IL1RAPL1: variants seen among roughly 807,000 people sequenced by gnomAD.
The protein encoded by IL1RAPL1 is interleukin 1 receptor accessory protein like 1.
IL1RAPL1 carries 3 observed loss-of-function variants against 48.4 expected under a neutral mutation model. The observed-to-expected ratio is 0.06, with a 90% CI of 0.03 to 0.16. The LOEUF (loss-of-function observed/expected upper bound fraction) is 0.16. IL1RAPL1 is among the 10% of genes least tolerant of loss of function. IL1RAPL1 has a pLI of 1.00. For synonymous variants in IL1RAPL1, 185 were observed against 187.7 expected (o/e 0.99, Z 0.12); for missense variants, 349 against 530.6 (o/e 0.66, Z 3.36).
intron 2 of IL1RAPL1, among the ~76,000 whole-genome samples, chrX:29,256,843 G>T (rs1473152358): frequency 9.0e-6 from 1 of 111,591 alleles, no homozygotes; most frequent in African/African-American, 3.2e-5. Flanking sequence ...GCTCTATACA[G>T]TGGGTACTTT....
chrX:29,230,525 A>ACAAAAC (rs1569265317), intron 2 of IL1RAPL1, among the ~76,000 whole-genome samples: 1 of 98,231 alleles, frequency 1.0e-5, no homozygotes, highest in Non-Finnish European at 2.0e-5. Flanking sequence ...AAAAAAAAAA[A>ACAAAAC]AAAAAAAAAA....
chrX:29,879,395 GTATA>G lies in IL1RAPL1; in HGVS notation c.779-38056_779-38053del, dbSNP rs1159189468. 4.7e-3 allele frequency among the ~76,000 whole-genome samples: 409 copies of G among 86,866 alleles called. 4 individuals are homozygous for G. The highest frequency in any genetic ancestry group is 0.02 in the African/African-American group (378 of 19,023). The allele number at this position is 86,866 out of a possible 115,157, so 75.4% of individuals were successfully genotyped here. On this transcript the variant is annotated intron_variant, in intron 6 of 10. Transcript: ENST00000378993. ...TGTGTGTGTGTGTGTGTGTGTGTGT[GTATA>G]TATATATATATAATATTTGTGTACA...
intron 6 of IL1RAPL1, among the ~76,000 whole-genome samples, chrX:29,802,761 A>ATATATATATATATATG (rs1929947054): frequency 1.8e-4 from 4 of 22,629 alleles, no homozygotes; most frequent in East Asian, 2.6e-3. Context: ...ATATATATAT[A>ATATATATATATATATG]TATATATATA....
intron 6 of IL1RAPL1, among the ~76,000 whole-genome samples, chrX:29,766,364 G>T (rs201559250): frequency 0.029 from 1,799 of 62,127 alleles, 138 homozygotes; most frequent in African/African-American, 0.16. Flanking sequence ...TATATATATA[G>T]ATAGATAGAT....
At chrX:28,815,839 G>GTATGTGTATATATATA (rs1467095474) in intron 2 of IL1RAPL1, among the ~76,000 whole-genome samples, 1 of 29,109 alleles carries the variant, frequency 3.4e-5, no homozygotes, top group African/African-American at 8.9e-5. Flanking sequence ...GTGTGTTTAT[G>GTATGTGTATATATATA]TATATATATA....
intron 5 of IL1RAPL1, among the ~76,000 whole-genome samples, chrX:29,417,958 T>G (rs1934237558): frequency 9.3e-6 from 1 of 107,488 alleles, no homozygotes; most frequent in African/African-American, 3.4e-5. Flanking sequence ...AATATTTACT[T>G]AAATATTTTG....
chrX:28,952,582 A>G (rs1924499413), intron 2 of IL1RAPL1, among the ~76,000 whole-genome samples: 1 of 111,180 alleles, frequency 9.0e-6, no homozygotes, highest in South Asian at 3.7e-4. Flanking sequence ...TTTTTTTTCC[A>G]ATTGAAGAAA....
intron 5 of IL1RAPL1, among the ~76,000 whole-genome samples, chrX:29,481,227 T>C (rs1170365062): frequency 8.9e-6 from 1 of 112,838 alleles, no homozygotes; most frequent in African/African-American, 3.2e-5. Context: ...ATAGAAGATA[T>C]ATTGACAAAT....
At chrX:29,938,396 G>T (rs181672753) in intron 8 of IL1RAPL1, among the ~76,000 whole-genome samples, 20 of 110,775 alleles carry the variant, frequency 1.8e-4, no homozygotes, top group Admixed American at 7.7e-4. Context: ...CATGCCACAT[G>T]CCCAGCCCCT....
At chrX:28,930,806 T>A (rs1923860119) in intron 2 of IL1RAPL1, among the ~76,000 whole-genome samples, 1 of 110,778 alleles carries the variant, frequency 9.0e-6, no homozygotes, top group African/African-American at 3.3e-5. Context: ...CACGCCCGGC[T>A]AATTTTTTGT....
chrX:28,949,493 A>G (rs1300884184), intron 2 of IL1RAPL1, among the ~76,000 whole-genome samples: 1 of 111,767 alleles, frequency 8.9e-6, no homozygotes, highest in African/African-American at 3.2e-5. Context: ...TTCACACTAC[A>G]ACAGAGTTGA....
At chrX:29,425,510 A>G (rs984592479) in intron 5 of IL1RAPL1, among the ~76,000 whole-genome samples, 1 of 111,537 alleles carries the variant, frequency 9.0e-6, no homozygotes, top group African/African-American at 3.3e-5. Context: ...TCTGTCAATG[A>G]GACTATCACA....
chrX:28,886,629 G>A (rs999747514), intron 2 of IL1RAPL1, among the ~76,000 whole-genome samples: 5 of 110,813 alleles, frequency 4.5e-5, no homozygotes, highest in Non-Finnish European at 9.5e-5. Flanking sequence ...GAATGTTTAT[G>A]TTTTTCATTA....
At chrX:29,831,347 G>T (rs1206598055) in intron 6 of IL1RAPL1, among the ~76,000 whole-genome samples, 1 of 111,384 alleles carries the variant, frequency 9.0e-6, no homozygotes, top group African/African-American at 3.3e-5. Flanking sequence ...CATATTGTGT[G>T]GGAGAGAAGG....
intron 2 of IL1RAPL1, among the ~76,000 whole-genome samples, chrX:28,876,804 A>T (rs959788767): frequency 1.8e-5 from 2 of 111,233 alleles, no homozygotes; most frequent in African/African-American, 6.5e-5. Flanking sequence ...TTAAATCAAG[A>T]TTTTCTACAA....
chrX:29,917,555 T>C lies in IL1RAPL1; in HGVS notation c.870T>C (p.Ile290=). 8.3e-7 allele frequency: 1 copy of C among 1,209,043 alleles called. No individual in the cohort carries two copies. The highest frequency in any genetic ancestry group is 1.1e-6 in the Non-Finnish European group (1 of 893,138). ...ACTGGATGAAAGGAGAAAAATTTATTGAAGATCTGGATGAAAATCGAGTTT... is the reference window on the plus strand; with the variant it reads ...ACTGGATGAAAGGAGAAAAATTTATCGAAGATCTGGATGAAAATCGAGTTT... ...LIYWMKGEKF[I]EDLDENRVWE... is the part of the protein sequence containing the mutation. Residue 290 remains isoleucine, a synonymous_variant, in exon 7 of 11, where the codon ATT becomes ATC. Transcript: ENST00000378993.
chrX:29,206,866 C>T (rs1049454790), intron 2 of IL1RAPL1, among the ~76,000 whole-genome samples: 1 of 111,829 alleles, frequency 8.9e-6, no homozygotes, highest in African/African-American at 3.2e-5. Context: ...ACACAAAATA[C>T]ATGCCATACA....
intron 6 of IL1RAPL1, among the ~76,000 whole-genome samples, chrX:29,743,323 G>T (rs1240073581): frequency 9.3e-6 from 1 of 108,082 alleles, no homozygotes; most frequent in Middle Eastern, 4.9e-3. Flanking sequence ...GCTTTGTCAT[G>T]TGGGGTCATA....
chrX:28,642,134 C>G (rs960024536), intron 1 of IL1RAPL1, among the ~76,000 whole-genome samples: 1 of 111,103 alleles, frequency 9.0e-6, no homozygotes, highest in Admixed American at 9.6e-5. Context: ...TATATGCACC[C>G]GATACAGGAG....
Sources: gnomAD v4.1 joint callset for allele counts (sites outside exome capture counted in the v4.1 genomes callset) on GRCh38, gnomAD v4.1.1 for gene constraint, MANE v1.5 for transcripts, NCBI Gene and HGNC (gene_info 2026-07-23, HGNC 2026-07-21) for gene names.